The following SYNPO2 variants were observed in gnomAD, a reference collection of about 807,000 sequenced individuals.
SYNPO2 encodes the protein synaptopodin-2.
Under a neutral mutation model 85.0 loss-of-function variants are expected in SYNPO2, and 56 were observed. The observed-to-expected ratio is 0.66, with a 90% confidence interval of 0.53 to 0.82. The LOEUF (loss-of-function observed/expected upper bound fraction) is 0.82, where lower values mean the gene tolerates loss of function less well. SYNPO2 is among the 40% of genes least tolerant of loss of function. The probability of loss-of-function intolerance (pLI) is 0.00; values close to 1 mark genes in which losing one functional copy is unlikely to be tolerated. For missense variants in SYNPO2, 1,575 were observed against 1,534.2 expected (o/e 1.03, Z -0.44); for synonymous variants, 602 against 591.1 (o/e 1.02, Z -0.27).
At chr4:118,972,737 A>T (rs541753421) in intron 1 of SYNPO2, among the ~76,000 whole-genome samples, 5 of 152,208 alleles carry the variant, frequency 3.3e-5, no homozygotes, top group Admixed American at 6.5e-5. Flanking sequence ...ATTTTAAGTT[A>T]TACATCTCTA....
intron 1 of SYNPO2, among the ~76,000 whole-genome samples, chr4:118,858,310 G>A (rs1731544959): frequency 6.6e-6 from 1 of 152,066 alleles, no homozygotes; most frequent in African/African-American, 2.4e-5. Flanking sequence ...TTATTGTGAG[G>A]GAGTCTTGAA....
At chr4:119,029,728 T>A (rs1738129518) in intron 3 of SYNPO2, 117 bp from the exon 4 acceptor site, 3 of 1,167,258 alleles carry the variant, frequency 2.6e-6, no homozygotes, top group Non-Finnish European at 3.5e-6. Flanking sequence ...AATTCTGTAC[T>A]CAATGGCAAT....
chr4:118,882,611 C>T (rs1003564807), intron 1 of SYNPO2, among the ~76,000 whole-genome samples: 9 of 151,940 alleles, frequency 5.9e-5, no homozygotes, highest in African/African-American at 2.2e-4. Context: ...CTCTCTCTCA[C>T]ACACACACAC....
chr4:118,882,703 G>C (rs1194441808), intron 1 of SYNPO2, among the ~76,000 whole-genome samples: 1 of 151,544 alleles, frequency 6.6e-6, no homozygotes, highest in African/African-American at 2.4e-5. Context: ...AATACATGGG[G>C]TTTTTACTTG....
chr4:118,995,881 T>C (rs536501171), intron 1 of SYNPO2, among the ~76,000 whole-genome samples: 17 of 151,004 alleles, frequency 1.1e-4, no homozygotes, highest in African/African-American at 4.2e-4. Flanking sequence ...TATCTATCTA[T>C]CTATCTATCT....
chr4:118,907,391 T>G (rs1041708596), intron 1 of SYNPO2, among the ~76,000 whole-genome samples: 14 of 152,220 alleles, frequency 9.2e-5, no homozygotes, highest in African/African-American at 3.1e-4. Flanking sequence ...TTAAAACCAT[T>G]CATTTCCATT....
At chr4:118,879,596 A>T (rs1029323482) in intron 1 of SYNPO2, among the ~76,000 whole-genome samples, 1 of 152,194 alleles carries the variant, frequency 6.6e-6, no homozygotes, top group Non-Finnish European at 1.5e-5. Flanking sequence ...TAGACTTCCC[A>T]GCTGCCAGAC....
chr4:119,041,267 T>C (rs143107365), intron 4 of SYNPO2, among the ~76,000 whole-genome samples: 109 of 152,350 alleles, frequency 7.2e-4, no homozygotes, highest in Middle Eastern at 3.4e-3. Flanking sequence ...TGCCATTTAA[T>C]TACATTTAAA....
At chr4:119,052,646 C>T (rs1229739597) in intron 4 of SYNPO2, among the ~76,000 whole-genome samples, 1 of 152,136 alleles carries the variant, frequency 6.6e-6, no homozygotes, top group Non-Finnish European at 1.5e-5. Context: ...ACACTCCTTC[C>T]CTGAAGGAAG....
In SYNPO2 at chr4:119,029,921, T is replaced by C. The variant is rs1293157360; in HGVS notation, c.1146T>C (p.Leu382=). The change falls in exon 4 of 5, where the codon CTT becomes CTC. Residue 382 remains leucine, a synonymous_variant. Transcript: ENST00000307142. ...CTAAATGCAAAAGCATTGCCCTTCT[T>C]CTAACGGATGCTCCCAACCCCAACT... ...AKSKCKSIAL[L]LTDAPNPNSK... 6.2e-7 allele frequency: 1 copy of C among 1,613,538 alleles called. No individual in the cohort carries two copies. The highest frequency in any genetic ancestry group is 2.2e-5 in the East Asian group (1 of 44,854).
intron 1 of SYNPO2, among the ~76,000 whole-genome samples, chr4:118,940,076 C>T (rs1374768540): frequency 1.3e-5 from 2 of 151,468 alleles, no homozygotes; most frequent in Non-Finnish European, 2.9e-5. Context: ...ACCTCCGCCT[C>T]CCGGGTTCAA....
Position 118,870,818 on chromosome 4 carries a change from T to G in SYNPO2, c.12+19878T>G, listed in dbSNP as rs139082068. Among the ~76,000 whole-genome samples, 35 of 152,280 alleles carry G rather than the reference T, an allele frequency of 2.3e-4. No individual in the cohort carries two copies. The East Asian group carries it at 4.2e-3, about 18-fold the overall frequency. Reference sequence around the variant, plus strand: ...AATACCTAGGTGGTGGGTTGATAGGTGCAGCAAACCACCATGGCACATATT... The same window carrying G: ...AATACCTAGGTGGTGGGTTGATAGGGGCAGCAAACCACCATGGCACATATT... On this transcript the variant is annotated intron_variant, in intron 1 of 4. Coordinates refer to the SYNPO2 transcript ENST00000610556.
chr4:118,921,557 G>T (rs922498979), intron 1 of SYNPO2, among the ~76,000 whole-genome samples: 10 of 151,938 alleles, frequency 6.6e-5, no homozygotes, highest in African/African-American at 2.2e-4. Flanking sequence ...AGCCCAGCCT[G>T]GGAAACATAG....
chr4:118,972,863 G>A (rs893531538), intron 1 of SYNPO2, among the ~76,000 whole-genome samples: 2 of 152,110 alleles, frequency 1.3e-5, no homozygotes, highest in Non-Finnish European at 2.9e-5. Flanking sequence ...TTTGAAAATT[G>A]GAAACAAATT....
intron 1 of SYNPO2, among the ~76,000 whole-genome samples, chr4:118,937,416 A>G (rs575165409): frequency 2.6e-5 from 4 of 152,238 alleles, no homozygotes; most frequent in Non-Finnish European, 5.9e-5. Context: ...TTTAGTCTCC[A>G]TTCTTCCCTA....
chr4:118,957,149 T>C (rs1291495286), intron 1 of SYNPO2, among the ~76,000 whole-genome samples: 1 of 152,236 alleles, frequency 6.6e-6, no homozygotes, highest in East Asian at 1.9e-4. Context: ...ATCTCATCCA[T>C]TTAATGGATC....
intron 1 of SYNPO2, among the ~76,000 whole-genome samples, chr4:118,953,886 C>G (rs1349686201): frequency 6.6e-6 from 1 of 152,104 alleles, no homozygotes; most frequent in African/African-American, 2.4e-5. Context: ...CAAACTGGAC[C>G]CTCTGGGCTT....
chr4:118,930,490 G>A (rs1733888325), intron 1 of SYNPO2, among the ~76,000 whole-genome samples: 1 of 152,120 alleles, frequency 6.6e-6, no homozygotes, highest in South Asian at 2.1e-4. Flanking sequence ...CAAGCTCTTT[G>A]AAGTCATGGT....
At chr4:118,857,339 A>T (rs949424554) in intron 1 of SYNPO2, among the ~76,000 whole-genome samples, 13 of 152,218 alleles carry the variant, frequency 8.5e-5, no homozygotes, top group Admixed American at 7.9e-4. Context: ...CAGCAACACC[A>T]TTCCCCGAGA....
Sources: allele counts gnomAD v4.1 joint callset (sites outside exome capture counted in the v4.1 genomes callset), GRCh38; gene constraint gnomAD v4.1.1; transcripts MANE v1.5; gene names NCBI Gene and HGNC (gene_info 2026-07-23, HGNC 2026-07-21).